USP2: variants seen among roughly 807,000 people sequenced by gnomAD.
USP2 encodes ubiquitin specific peptidase 2.
USP2 carries 33 observed loss-of-function variants against 72.0 expected under a neutral mutation model. That is an observed-to-expected ratio of 0.46 (90% confidence interval 0.35 to 0.61). The LOEUF (loss-of-function observed/expected upper bound fraction) is 0.61, where lower values mean the gene tolerates loss of function less well. USP2 is among the 20% of genes least tolerant of loss of function. USP2 has a pLI of 0.01. For synonymous variants in USP2, 296 were observed against 312.5 expected (o/e 0.95, Z 0.56); for missense variants, 691 against 797.8 (o/e 0.87, Z 1.61).
chr11:119,355,975 G>A lies in USP2; in HGVS notation c.*860C>T, dbSNP rs11828770. The A allele has an allele frequency of 7.2e-3, 1,091 of 151,806 alleles. 17 individuals are homozygous for A. The highest frequency in any genetic ancestry group is 0.025 in the African/African-American group (1,045 of 41,374). 9.4% of individuals were successfully genotyped at this position (151,806 alleles called of 1,614,324 possible). ...AGAGGCTGAGGGATATTTCAGGAGG[G>A]GCAGTTACCCCCTGGTCCCCAAATG... On this transcript the variant is annotated 3_prime_UTR_variant, in exon 13 of 13. Coordinates refer to ENST00000260187, the MANE Select transcript of USP2 (RefSeq NM_004205.5).
intron 2 of USP2, among the ~76,000 whole-genome samples, chr11:119,363,664 G>A (rs940396589): frequency 2.2e-4 from 33 of 151,556 alleles, no homozygotes; most frequent in African/African-American, 7.5e-4. Flanking sequence ...CCCGGGGAGG[G>A]GACCACGAGT....
At chr11:119,377,125 A>C (rs928523396) in intron 1 of USP2, among the ~76,000 whole-genome samples, 16 of 152,264 alleles carry the variant, frequency 1.1e-4, no homozygotes, top group African/African-American at 3.9e-4. Flanking sequence ...CTTGGGACAC[A>C]GTGCATTAAC....
intron 2 of USP2, chr11:119,363,781 G>A: frequency 2.4e-6 from 3 of 1,234,744 alleles, no homozygotes; most frequent in South Asian, 2.0e-5. Context: ...CGCGTGGCGG[G>A]CAGAGGCCAG....
intron 2 of USP2, among the ~76,000 whole-genome samples, chr11:119,369,207 G>GC (rs1031726825): frequency 6.6e-5 from 10 of 152,238 alleles, no homozygotes; most frequent in Admixed American, 6.5e-4. Flanking sequence ...GCTGAGCTGC[G>GC]CCCCCCTGGC....
chr11:119,359,716 G>C (rs1405185837), intron 3 of USP2, 56 bp from the exon 4 acceptor site: 2 of 1,595,380 alleles, frequency 1.3e-6, no homozygotes, highest in African/African-American at 2.7e-5. Context: ...CTTCACCTGT[G>C]TTACTTACTA....
Position 119,372,772 on chromosome 11 carries a change from ACAGCGTGT to A in USP2, c.701_708del (p.Tyr234LeufsTer25), listed in dbSNP as rs763292179. ...GGGGCCTGACCCTTTCCCGTCTCCC[ACAGCGTGT>A]AGCGGCCAATGGGTCGGTAGGTTGG... On this transcript the variant is annotated frameshift_variant, in exon 2 of 13. Coordinates refer to ENST00000260187, the MANE Select transcript of USP2 (RefSeq NM_004205.5). LOFTEE classifies it high-confidence loss of function. 6.3e-7 allele frequency: 1 copy of A among 1,576,490 alleles called. No homozygotes were observed. Among genetic ancestry groups the A allele is most frequent in the Admixed American group, 1.8e-5 (1 of 54,372 alleles).
At chr11:119,380,064 G>A (rs538110242) in intron 1 of USP2, among the ~76,000 whole-genome samples, 1 of 151,798 alleles carries the variant, frequency 6.6e-6, no homozygotes, top group Non-Finnish European at 1.5e-5. Flanking sequence ...ACAGGCTCCC[G>A]CCAGCACGCC....
intron 3 of USP2, 148 bp from the exon 4 acceptor site, chr11:119,359,808 G>A: frequency 8.5e-7 from 1 of 1,182,690 alleles, no homozygotes; most frequent in Non-Finnish European, 1.2e-6. Flanking sequence ...CTTTTCATAA[G>A]TGAAAGGGGT....
At chr11:119,370,834 C>T (rs1950916233) in intron 2 of USP2, among the ~76,000 whole-genome samples, 1 of 152,180 alleles carries the variant, frequency 6.6e-6, no homozygotes, top group Admixed American at 6.5e-5. Flanking sequence ...TCTCAAAATT[C>T]CCTTCACCTT....
At chr11:119,359,372 CTGAGA>C in intron 4 of USP2, 30 bp from the exon 5 acceptor site, 1 of 1,594,484 alleles carries the variant, frequency 6.3e-7, no homozygotes, top group African/African-American at 1.4e-5. Flanking sequence ...TACAGGACAG[CTGAGA>C]TATTTTCTAT....
chr11:119,356,637 G>C lies in USP2; in HGVS notation c.*198C>G, dbSNP rs1950656726. On this transcript the variant is annotated 3_prime_UTR_variant, in exon 13 of 13. Transcript: ENST00000260187. The stretch of plus-strand genomic sequence containing the variant: ...GCTCCACGTCCAGGCGATCTTCCCT[G>C]CCGGGCCACAGCTCAGGAAAGCCCG... 2 of 579,170 alleles carry C rather than the reference G, an allele frequency of 3.5e-6. No homozygotes were observed. The highest frequency in any genetic ancestry group is 5.9e-6 in the Non-Finnish European group (2 of 336,690). 35.9% of individuals were successfully genotyped at this position (579,170 alleles called of 1,614,324 possible).
chr11:119,357,179 G>A lies in USP2; in HGVS notation c.1730+8C>T. ...AGCCAGGGGCTCCGGCCCTGCCCTG[G>A]CTCTCACCTGGAGTCGTTGAAAGTG... On this transcript the variant is annotated splice_region_variant and intron_variant, in intron 12 of 12. Transcript: ENST00000260187. The A allele has an allele frequency of 6.2e-7, 1 of 1,613,354 alleles. No homozygotes were observed. The highest frequency in any genetic ancestry group is 1.1e-5 in the South Asian group (1 of 91,040).
In USP2 at chr11:119,373,362, G is replaced by T. The variant is rs1442700091; in HGVS notation, c.119C>A (p.Ala40Asp). 2 of 1,612,216 alleles carry T rather than the reference G, an allele frequency of 1.2e-6. No homozygotes were observed. Among genetic ancestry groups the T allele is most frequent in the Middle Eastern group, 1.6e-4 (1 of 6,062 alleles). The change falls in exon 2 of 13, where the codon GCT (alanine) becomes GAT (aspartate). Residue 40 changes from alanine (A) to aspartate (D), a missense_variant. Coordinates refer to ENST00000260187, the MANE Select transcript of USP2 (RefSeq NM_004205.5). ...TTTCTCCTTCTCCAGTAAGGAGGCA[G>T]CCAGATTGGCCCCATAGGAGGACGG... ...YTPSSYGANL[A>D]ASLLEKEKLG...
At chr11:119,357,403 C>T in intron 11 of USP2, 80 bp downstream of exon 11, 1 of 1,590,946 alleles carries the variant, frequency 6.3e-7, no homozygotes, top group Non-Finnish European at 8.6e-7. Context: ...CTGGTGCTGG[C>T]AGCTCCCCTT....
At chr11:119,363,632 G>A (rs377000628) in intron 2 of USP2, among the ~76,000 whole-genome samples, 1 of 151,924 alleles carries the variant, frequency 6.6e-6, no homozygotes, top group Non-Finnish European at 1.5e-5. Flanking sequence ...GAGGGGGCAA[G>A]GGGGACTTCC....
rs1412924815 is a variant in USP2, at chr11:119,373,450, A to G, written c.31T>C (p.Tyr11His). The change falls in exon 2 of 13, where the codon TAC (tyrosine) becomes CAC (histidine). Residue 11 changes from tyrosine to histidine, a missense_variant. Coordinates refer to ENST00000260187, the MANE Select transcript of USP2 (RefSeq NM_004205.5). ...TCTGTGTAGCGGGCCGATTCTGTGT[A>G]GCGCTTCAGGGTGGAGGAGAGCTGG... Reference protein sequence around the residue: MSQLSSTLKRYTESARYTDAH... With the variant: MSQLSSTLKRHTESARYTDAH... 2 of 1,596,056 alleles carry G rather than the reference A, an allele frequency of 1.3e-6. No homozygotes were observed. Among genetic ancestry groups the G allele is most frequent in the Non-Finnish European group, 1.7e-6 (2 of 1,177,288 alleles).
At position 119,356,842 on chromosome 11, in the gene USP2, CG is replaced by C; in HGVS notation, c.1810del (p.Arg604GlufsTer43). 15 of 1,562,704 alleles carry C rather than the reference CG, an allele frequency of 9.6e-6. No individual in the cohort carries two copies. The highest frequency in any genetic ancestry group is 1.3e-5 in the Non-Finnish European group (15 of 1,153,662). ...LFYELASPPSRM is the reference protein window; with the variant it reads ...LFYELASPPSXM ...GGGACGTGGCTCCTGGCGCTACATTCGGGAGGGCGGGCTGGCCAGTTCGTAG... is the reference window on the plus strand; with the variant it reads ...GGGACGTGGCTCCTGGCGCTACATTCGGAGGGCGGGCTGGCCAGTTCGTAG... On this transcript the variant is annotated frameshift_variant, in exon 13 of 13. Coordinates refer to ENST00000260187, the MANE Select transcript of USP2 (RefSeq NM_004205.5). LOFTEE classifies it high-confidence loss of function.
intron 3 of USP2, 38 bp downstream of exon 3, chr11:119,360,146 G>A: frequency 6.2e-7 from 1 of 1,608,958 alleles, no homozygotes; most frequent in Non-Finnish European, 8.5e-7. Context: ...CATAGTAGGG[G>A]GTGGGCCTGG....
intron 7 of USP2, 107 bp from the exon 8 acceptor site, chr11:119,358,359 C>T: frequency 9.6e-7 from 1 of 1,039,214 alleles, no homozygotes; most frequent in African/African-American, 1.6e-5. Flanking sequence ...CTCTGTCCCC[C>T]AGGCTGAAGT....
Sources: gnomAD v4.1 joint callset for allele counts (sites outside exome capture counted in the v4.1 genomes callset) on GRCh38, gnomAD v4.1.1 for gene constraint, MANE v1.5 for transcripts, NCBI Gene and HGNC (gene_info 2026-07-23, HGNC 2026-07-21) for gene names.